ASCC3: variants seen among roughly 807,000 people sequenced by gnomAD.
ASCC3 encodes activating signal cointegrator 1 complex subunit 3, also known as ASC-1 complex subunit P200.
A neutral mutation model predicts 256.3 loss-of-function variants in ASCC3; 158 were observed. The observed-to-expected ratio is 0.62, with a 90% CI of 0.54 to 0.70. The LOEUF is 0.70. Among genes scored for constraint, ASCC3 ranks in the 30% least tolerant of loss-of-function variants. The pLI is 0.00. For missense variants in ASCC3, 2,259 were observed against 2,626.0 expected (o/e 0.86, Z 3.05); for synonymous variants, 948 against 883.4 (o/e 1.07, Z -1.30).
intron 36 of ASCC3, among the ~76,000 whole-genome samples, chr6:100,551,396 G>A (rs894978339): frequency 5.9e-5 from 9 of 151,874 alleles, no homozygotes; most frequent in Non-Finnish European, 8.8e-5. Flanking sequence ...GTAGGTATCT[G>A]TGAAGAAGTT....
At chr6:100,616,992 CGTTGTTGTT>C (rs141000454) in intron 30 of ASCC3, among the ~76,000 whole-genome samples, 20 of 151,094 alleles carry the variant, frequency 1.3e-4, no homozygotes, top group East Asian at 3.9e-4. Context: ...TTGTTGTTGT[CGTTGTTGTT>C]GTTGTTGTTG....
At chr6:100,628,265 G>A (rs913754209) in intron 27 of ASCC3, among the ~76,000 whole-genome samples, 2 of 152,104 alleles carry the variant, frequency 1.3e-5, no homozygotes, top group African/African-American at 4.8e-5. Context: ...CAAGAGAAGG[G>A]AATAGAGAGT....
At chr6:100,640,845 C>T (rs1775088114) in intron 24 of ASCC3, among the ~76,000 whole-genome samples, 1 of 152,056 alleles carries the variant, frequency 6.6e-6, no homozygotes, top group African/African-American at 2.4e-5. Context: ...ACACATTTGA[C>T]AAAAATGGCA....
chr6:100,715,340 A>T, intron 13 of ASCC3, 122 bp downstream of exon 13: 1 of 771,238 alleles, frequency 1.3e-6, no homozygotes, highest in South Asian at 1.6e-5. Context: ...AGAACCTCTG[A>T]GTCATTGCCT....
rs759951151 is a variant in ASCC3, at chr6:100,848,129, T to A, written c.801+19A>T. 6.4e-7 allele frequency: 1 copy of A among 1,552,050 alleles called. No homozygotes were observed. Among genetic ancestry groups the A allele is most frequent in the Non-Finnish European group, 8.7e-7 (1 of 1,155,904 alleles). On this transcript the variant is annotated intron_variant, in intron 4 of 41. Transcript: ENST00000369162. Reference sequence around the variant, plus strand: ...GATAGTTCACATTAATATAAAAAAATAAATCATTTCAACTATACCTCATCC... The same window carrying A: ...GATAGTTCACATTAATATAAAAAAAAAAATCATTTCAACTATACCTCATCC...
intron 6 of ASCC3, 143 bp from the exon 7 acceptor site, chr6:100,799,715 G>A (rs1769819067): frequency 3.5e-6 from 3 of 850,654 alleles, no homozygotes; most frequent in South Asian, 4.0e-5. Flanking sequence ...AAGATTTTAG[G>A]AATCCTGAAA....
At chr6:100,736,188 A>C (rs1373176089) in intron 10 of ASCC3, among the ~76,000 whole-genome samples, 2 of 152,222 alleles carry the variant, frequency 1.3e-5, no homozygotes, top group African/African-American at 4.8e-5. Context: ...AACAGAACAA[A>C]GTATATTTAC....
At chr6:100,702,987 C>A (rs929392427) in intron 13 of ASCC3, among the ~76,000 whole-genome samples, 15 of 151,980 alleles carry the variant, frequency 9.9e-5, no homozygotes, top group Non-Finnish European at 2.1e-4. Flanking sequence ...TAGGCATGAC[C>A]AATGATCATG....
intron 1 of ASCC3, among the ~76,000 whole-genome samples, chr6:100,875,707 G>A (rs1170735143): frequency 6.8e-6 from 1 of 148,136 alleles, no homozygotes; most frequent in African/African-American, 2.6e-5. Flanking sequence ...AAAGTGATAT[G>A]ACAACAGAAA....
chr6:100,816,683 A>G (rs1770763870), intron 4 of ASCC3, among the ~76,000 whole-genome samples: 1 of 152,138 alleles, frequency 6.6e-6, no homozygotes, highest in African/African-American at 2.4e-5. Flanking sequence ...GTTCTCACTT[A>G]TAAGTGGGAG....
In ASCC3 at chr6:100,736,037, CTT is replaced by C; in HGVS notation, c.1738-10336_1738-10335del. ...CAACAAAGGGAGGAACAGTAACTCTCTTGACTGCTGTATCCACAATGCCTGGA... is the reference window on the plus strand; with the variant it reads ...CAACAAAGGGAGGAACAGTAACTCTCGACTGCTGTATCCACAATGCCTGGA... On this transcript the variant is annotated intron_variant, in intron 10 of 41. Coordinates refer to ENST00000369162, the MANE Select transcript of ASCC3 (RefSeq NM_006828.4). 2.0e-5 allele frequency among the ~76,000 whole-genome samples: 3 copies of C among 152,276 alleles called. No homozygotes were observed. The South Asian group carries it at 6.2e-4, about 32-fold the overall frequency.
At chr6:100,687,791 G>C (rs1777654331) in intron 13 of ASCC3, among the ~76,000 whole-genome samples, 1 of 152,012 alleles carries the variant, frequency 6.6e-6, no homozygotes, top group African/African-American at 2.4e-5. Context: ...GAAGAAAAAA[G>C]AGACATGACC....
At chr6:100,683,383 C>G (rs1272995416) in intron 13 of ASCC3, among the ~76,000 whole-genome samples, 1 of 152,128 alleles carries the variant, frequency 6.6e-6, no homozygotes, top group Non-Finnish European at 1.5e-5. Context: ...TCATTTTCTA[C>G]TGCAGCCAAG....
intron 4 of ASCC3, among the ~76,000 whole-genome samples, chr6:100,829,654 G>A (rs1222984634): frequency 1.3e-5 from 2 of 152,236 alleles, no homozygotes. Flanking sequence ...GCAGCAGCGG[G>A]CTGAAGGGCT....
At chr6:100,708,324 T>C (rs1778699405) in intron 13 of ASCC3, among the ~76,000 whole-genome samples, 1 of 152,192 alleles carries the variant, frequency 6.6e-6, no homozygotes, top group South Asian at 2.1e-4. Context: ...TGTAGGACTT[T>C]ACATTTATCC....
chr6:100,848,032 T>C lies in ASCC3; in HGVS notation c.801+116A>G, dbSNP rs145951263. ...TATGTGAAACCATTTGGCTATAGAT[T>C]CAACTACTATACAGAACATTAAAGA... On this transcript the variant is annotated intron_variant, in intron 4 of 41. Transcript: ENST00000369162. The C allele has an allele frequency of 4.3e-5, 44 of 1,029,138 alleles. No homozygotes were observed. The East Asian group carries it at 6.1e-4, about 14-fold the overall frequency. The allele number at this position is 1,029,138 out of a possible 1,614,324, so 63.8% of individuals were successfully genotyped here. A position where few individuals can be genotyped will look rare whatever the true frequency, so the allele number is the denominator to read the frequency against.
intron 18 of ASCC3, among the ~76,000 whole-genome samples, 164 bp from the exon 19 acceptor site, chr6:100,651,810 AC>A (rs1431660960): frequency 6.6e-6 from 1 of 152,034 alleles, no homozygotes; most frequent in East Asian, 1.9e-4. Flanking sequence ...ATAAACATCA[AC>A]AAATTTATCA....
In ASCC3 at chr6:100,518,105, A is replaced by G. The variant is rs760673883; in HGVS notation, c.5813T>C (p.Val1938Ala). The change falls in exon 38 of 42, where the codon GTG becomes GCG. Residue 1938 changes from valine (V) to alanine (A), a missense_variant. Val to Ala is a moderately conservative substitution (Grantham distance 64). Around this residue, in one of 2 missense-constraint regions of ASCC3, gnomAD observed 1,839 missense variants for 2,206.7 expected, o/e 0.83. Coordinates refer to ENST00000369162, the MANE Select transcript of ASCC3 (RefSeq NM_006828.4). ...LDVAANQGWL[V>A]TVLNITNLIQ... Reference sequence around the variant, plus strand: ...CAGGTTGGTGATATTCAGGACAGTCACCAGCCAGCCCTGGTTTGCAGCCAC... The same window carrying G: ...CAGGTTGGTGATATTCAGGACAGTCGCCAGCCAGCCCTGGTTTGCAGCCAC... The G allele has an allele frequency of 6.2e-7, 1 of 1,613,620 alleles. No individual in the cohort carries two copies. The highest frequency in any genetic ancestry group is 1.7e-5 in the Admixed American group (1 of 59,922).
chr6:100,527,165 C>T (rs1774616197), intron 37 of ASCC3, among the ~76,000 whole-genome samples: 4 of 152,108 alleles, frequency 2.6e-5, no homozygotes, highest in Admixed American at 2.6e-4. Flanking sequence ...ATACAAAAGA[C>T]CCCAATGTAT....
Sources: allele counts gnomAD v4.1 joint callset (sites outside exome capture counted in the v4.1 genomes callset), GRCh38; gene constraint gnomAD v4.1.1; regional missense constraint gnomAD v4.1.1; transcripts MANE v1.5; gene names NCBI Gene and HGNC (gene_info 2026-07-23, HGNC 2026-07-21).